MIA: variants seen among roughly 807,000 people sequenced by gnomAD.
MIA encodes MIA SH3 domain containing.
In MIA, 18 loss-of-function variants were observed where a neutral mutation model predicts 18.5. The ratio of observed to expected loss-of-function variants is 0.97; its 90% CI spans 0.67 to 1.44. The LOEUF (loss-of-function observed/expected upper bound fraction) is 1.44, where lower values mean the gene tolerates loss of function less well. Ranked by LOEUF, MIA falls within the 40% of genes most tolerant of loss-of-function variation. The pLI is 0.00. For synonymous variants in MIA, 55 were observed against 64.9 expected (o/e 0.85, Z 0.74); for missense variants, 158 against 172.4 (o/e 0.92, Z 0.47).
intron 3 of MIA, 111 bp from the exon 4 acceptor site, chr19:40,777,286 C>T (rs2083004748): frequency 7.5e-7 from 1 of 1,334,946 alleles, no homozygotes. Flanking sequence ...TTGCATAGCA[C>T]TTGTGTGGCC....
At chr19:40,775,939 T>G in intron 2 of MIA, 54 bp downstream of exon 2, 2 of 1,587,464 alleles carry the variant, frequency 1.3e-6, no homozygotes, top group Non-Finnish European at 1.7e-6. Flanking sequence ...GTAGACTCAT[T>G]ATCCCCATGA....
chr19:40,775,758 T>C lies in MIA; in HGVS notation c.134T>C (p.Ile45Thr), dbSNP rs150386826. ...CCTTCTATTCCTTCCCTAGACCCTA[T>C]CTCCATGGCTGTGGCCCTTCAGGAC... ...LCADQECSHP[I>T]SMAVALQDYM... Residue 45 changes from isoleucine (I) to threonine (T), a missense_variant, in exon 2 of 4, where the codon ATC (isoleucine) becomes ACC (threonine). Coordinates refer to ENST00000263369, the MANE Select transcript of MIA (RefSeq NM_006533.4). 1 of 1,614,040 alleles carries C rather than the reference T, an allele frequency of 6.2e-7. No individual in the cohort carries two copies. Among genetic ancestry groups the C allele is most frequent in the East Asian group, 2.2e-5 (1 of 44,872 alleles).
rs375928719 is a variant in MIA at position 40,775,649 on chromosome 19, G to T, written c.107G>T (p.Cys36Phe). 6.2e-7 allele frequency: 1 copy of T among 1,614,176 alleles called. No homozygotes were observed. ...PMPKLADRKLCADQECSHPIS... is the reference protein window; with the variant it reads ...PMPKLADRKLFADQECSHPIS... ...CCCAAGCTGGCTGACCGGAAGCTGT[G>T]TGCGGACCAGGAGTGCAGCCGTAAG... Residue 36 changes from cysteine (C) to phenylalanine (F), a missense_variant, in exon 1 of 4, where the codon TGT becomes TTT. Transcript: ENST00000263369.
At chr19:40,777,106 A>C in intron 3 of MIA, 27 bp downstream of exon 3, 3 of 1,575,214 alleles carry the variant, frequency 1.9e-6, no homozygotes, top group Non-Finnish European at 2.6e-6. Context: ...CTGGCAAGAA[A>C]TGTGGGGGGA....
chr19:40,776,618 C>T lies in MIA; in HGVS notation c.262-351C>T, dbSNP rs147894069. On this transcript the variant is annotated intron_variant, in intron 2 of 3. Coordinates refer to ENST00000263369, the MANE Select transcript of MIA (RefSeq NM_006533.4). ...ATTAACTGGGCTTCATGGCATGTGT[C>T]TGTGGTCCCGGCTACTCGGGAGGCT... is the stretch of plus-strand genomic sequence containing the variant. 1.1e-4 allele frequency among the ~76,000 whole-genome samples: 16 copies of T among 152,084 alleles called. No homozygotes were observed. In the East Asian group the frequency reaches 3.1e-3, roughly 29 times the overall value.
chr19:40,777,261 GGGCTCTA>G (rs2083004348), intron 3 of MIA, 129 bp from the exon 4 acceptor site: 4 of 1,157,366 alleles, frequency 3.5e-6, no homozygotes, highest in Non-Finnish European at 5.2e-6. Flanking sequence ...AAAGATTAGA[GGGCTCTA>G]GGCTAATTTG....
chr19:40,775,834 G>C lies in MIA; in HGVS notation c.210G>C (p.Val70=), dbSNP rs751877558. Reference sequence around the variant, plus strand: ...TGACCATTCACCGGGGCCAAGTGGTGTATGTCTTCTCCAAGCTGAAGGGCC... The same window carrying C: ...TGACCATTCACCGGGGCCAAGTGGTCTATGTCTTCTCCAAGCTGAAGGGCC... ...RFLTIHRGQV[V]YVFSKLKGRG... The change falls in exon 2 of 4, where the codon GTG becomes GTC. Residue 70 remains valine, a synonymous_variant. Coordinates refer to ENST00000263369, the MANE Select transcript of MIA (RefSeq NM_006533.4). The C allele has an allele frequency of 3.7e-6, 6 of 1,614,082 alleles. No homozygotes were observed. Among genetic ancestry groups the C allele is most frequent in the Non-Finnish European group, 4.2e-6 (5 of 1,180,026 alleles).
At chr19:40,776,012 A>G (rs528429447) in intron 2 of MIA, 127 bp downstream of exon 2, 2 of 1,290,814 alleles carry the variant, frequency 1.5e-6, no homozygotes, top group South Asian at 1.6e-5. Flanking sequence ...TACTTACTTT[A>G]TTTTATTTGC....
upstream of MIA, chr19:40,775,505 C>T: frequency 6.2e-7 from 1 of 1,612,926 alleles, no homozygotes; most frequent in Non-Finnish European, 8.5e-7. Flanking sequence ...TTGGAGACCC[C>T]AGCACCCCCT....
In MIA at chr19:40,775,685, G is replaced by A. The variant is rs770392935; in HGVS notation, c.127+16G>A. On this transcript the variant is annotated intron_variant, in intron 1 of 3. Coordinates refer to ENST00000263369, the MANE Select transcript of MIA (RefSeq NM_006533.4). ...GAGTGCAGCCGTAAGAATGGGGAGG[G>A]GAGAATTGGGGGCTTGGGCGTTAGC... The A allele has an allele frequency of 1.9e-6, 3 of 1,614,168 alleles. No homozygotes were observed. Among genetic ancestry groups the A allele is most frequent in the Non-Finnish European group, 2.5e-6 (3 of 1,180,024 alleles).
chr19:40,777,157 C>A, intron 3 of MIA, 78 bp downstream of exon 3: 1 of 1,302,536 alleles, frequency 7.7e-7, no homozygotes, highest in Non-Finnish European at 1.1e-6. Flanking sequence ...TGCTCCCACA[C>A]TTGGCTCCCT....
rs2083002404 is a variant in MIA, at chr19:40,777,082, G to C, written c.372+3G>C. 1.7e-5 allele frequency: 27 copies of C among 1,609,498 alleles called. No homozygotes were observed. The East Asian group carries it at 6.0e-4, about 36-fold the overall frequency. ...GCAAAGTCGATGTGAAGACAGACGT[G>C]AGTGTCATGGGGGCTGGCAAGAAAT... On this transcript the variant is annotated splice_donor_region_variant and intron_variant, in intron 3 of 3. Transcript: ENST00000263369.
At position 40,777,026 on chromosome 19, in the gene MIA, A is replaced by T; in HGVS notation, c.319A>T (p.Ile107Phe). The change falls in exon 3 of 4, where the codon ATT (isoleucine) becomes TTT (phenylalanine). Residue 107 changes from isoleucine (I) to phenylalanine (F), a missense_variant. By Grantham distance (21) the Ile-to-Phe change is conservative. Coordinates refer to ENST00000263369, the MANE Select transcript of MIA (RefSeq NM_006533.4). ...AARLGYFPSSIVREDQTLKPG... is the reference protein window; with the variant it reads ...AARLGYFPSSFVREDQTLKPG... ...TCGCCTGGGCTATTTCCCCAGTAGC[A>T]TTGTCCGAGAGGACCAGACCCTGAA... 6.2e-7 allele frequency: 1 copy of T among 1,613,736 alleles called. No individual in the cohort carries two copies. The highest frequency in any genetic ancestry group is 2.2e-5 in the East Asian group (1 of 44,886).
At chr19:40,777,253 A>T (rs2083004195) in intron 3 of MIA, 144 bp from the exon 4 acceptor site, 2 of 1,131,530 alleles carry the variant, frequency 1.8e-6, no homozygotes, top group Admixed American at 1.8e-5. Flanking sequence ...GGAGGTGCAA[A>T]GATTAGAGGG....
At position 40,775,670 on chromosome 19, in the gene MIA, G is replaced by C. The variant is rs140077816; in HGVS notation, c.127+1G>C. 6.8e-6 allele frequency: 11 copies of C among 1,614,032 alleles called. No homozygotes were observed. In the African/African-American group the frequency reaches 1.3e-4, roughly 20 times the overall value. On this transcript the variant is annotated splice_donor_variant, in intron 1 of 3. Coordinates refer to ENST00000263369, the MANE Select transcript of MIA (RefSeq NM_006533.4). LOFTEE classifies it high-confidence loss of function. ...CTGTGTGCGGACCAGGAGTGCAGCC[G>C]TAAGAATGGGGAGGGGAGAATTGGG...
chr19:40,775,504 C>T (rs764879635), upstream of MIA: 1 of 1,612,862 alleles, frequency 6.2e-7, no homozygotes, highest in Non-Finnish European at 8.5e-7. Flanking sequence ...ATTGGAGACC[C>T]CAGCACCCCC....
Position 40,775,885 on chromosome 19 carries a change from C to G in MIA, c.261C>G (p.Ser87Arg). 3 of 1,613,262 alleles carry G rather than the reference C, an allele frequency of 1.9e-6. No homozygotes were observed. The highest frequency in any genetic ancestry group is 2.5e-6 in the Non-Finnish European group (3 of 1,179,902). Residue 87 changes from serine to arginine, a missense_variant and splice_region_variant, in exon 2 of 4, where the codon AGC becomes AGG. Transcript: ENST00000263369. ...KGRGRLFWGG[S>R]VQGDYYGDLA... ...GTGGGCGGCTCTTCTGGGGAGGCAG[C>G]GTGAGTCTTGGGAGAGTGAAAGAGG...
intron 1 of MIA, 28 bp downstream of exon 1, chr19:40,775,697 G>C (rs2082990646): frequency 1.4e-5 from 22 of 1,614,048 alleles, no homozygotes; most frequent in Non-Finnish European, 1.9e-5. Context: ...AGAATTGGGG[G>C]CTTGGGCGTT....
intron 2 of MIA, 57 bp from the exon 3 acceptor site, chr19:40,776,912 C>A: frequency 8.1e-7 from 1 of 1,237,770 alleles, no homozygotes; most frequent in Non-Finnish European, 1.2e-6. Flanking sequence ...CAAAGGCCTT[C>A]AGCAGGCACA....
Sources: allele counts gnomAD v4.1 joint callset (sites outside exome capture counted in the v4.1 genomes callset), GRCh38; gene constraint gnomAD v4.1.1; transcripts MANE v1.5; gene names NCBI Gene and HGNC (gene_info 2026-07-23, HGNC 2026-07-21).